GRIA1: variants seen among roughly 807,000 people sequenced by gnomAD.
The protein encoded by GRIA1 is glutamate ionotropic receptor AMPA type subunit 1, also known as glutamate receptor 1.
In GRIA1, 31 loss-of-function variants were observed where a neutral mutation model predicts 99.2. The observed-to-expected ratio is 0.31, with a 90% CI of 0.23 to 0.42. GRIA1 has a LOEUF of 0.42. GRIA1 is among the 10% of genes least tolerant of loss of function. The pLI is 1.00. For missense variants in GRIA1, 782 were observed against 1,157.5 expected (o/e 0.68, Z 4.71); for synonymous variants, 438 against 432.4 (o/e 1.01, Z -0.16).
Position 153,501,263 on chromosome 5 carries a change from G to T in GRIA1, c.220+7198G>T, listed in dbSNP as rs775787507. On this transcript the variant is annotated intron_variant, in intron 2 of 15. Coordinates refer to ENST00000285900, the MANE Select transcript of GRIA1 (RefSeq NM_000827.4). Reference sequence around the variant, plus strand: ...TAGAAAGCAGCCCTGTGCTCATGGAGCTCACCAGCTAATAAAGGAGGCTGC... The same window carrying T: ...TAGAAAGCAGCCCTGTGCTCATGGATCTCACCAGCTAATAAAGGAGGCTGC... 2.6e-4 allele frequency among the ~76,000 whole-genome samples: 40 copies of T among 152,184 alleles called. 1 individual carries two copies. The highest frequency in any genetic ancestry group is 5.9e-4 in the Non-Finnish European group (40 of 68,038).
chr5:153,778,651 C>T (rs1230152657), intron 13 of GRIA1, among the ~76,000 whole-genome samples: 1 of 147,288 alleles, frequency 6.8e-6, no homozygotes, highest in African/African-American at 2.5e-5. Flanking sequence ...TCACCCCCCA[C>T]CACACACACA....
chr5:153,658,816 T>C (rs1343226302), intron 5 of GRIA1, among the ~76,000 whole-genome samples: 6 of 152,122 alleles, frequency 3.9e-5, no homozygotes, highest in Admixed American at 2.0e-4. Context: ...TCGGAATGCA[T>C]GAGCTTCAAA....
chr5:153,761,938 T>C (rs969883351), intron 11 of GRIA1, among the ~76,000 whole-genome samples: 1 of 152,110 alleles, frequency 6.6e-6, no homozygotes, highest in Non-Finnish European at 1.5e-5. Flanking sequence ...TACCACATGA[T>C]CTCACTTACA....
At chr5:153,773,755 G>T (rs1764034928) in intron 13 of GRIA1, among the ~76,000 whole-genome samples, 1 of 152,176 alleles carries the variant, frequency 6.6e-6, no homozygotes, top group South Asian at 2.1e-4. Context: ...TGAACTGCAA[G>T]TCAAGAACAC....
rs1754193450 is a variant in GRIA1 at position 153,646,910 on chromosome 5, CCTTCT to C, written c.221-9_221-5del. The C allele has an allele frequency of 6.2e-7, 1 of 1,612,302 alleles. No homozygotes were observed. Among genetic ancestry groups the C allele is most frequent in the African/African-American group, 1.3e-5 (1 of 74,898 alleles). ...TTTTTGCAGTCTTCTATTCATTAATCCTTCTCTTCTCTTGTAGTCTGTTCCCAGTT... is the reference window on the plus strand; with the variant it reads ...TTTTTGCAGTCTTCTATTCATTAATCCTTCTCTTGTAGTCTGTTCCCAGTT... On this transcript the variant is annotated splice_polypyrimidine_tract_variant and intron_variant, in intron 2 of 15. Transcript: ENST00000285900.
intron 7 of GRIA1, among the ~76,000 whole-genome samples, chr5:153,681,308 C>G (rs1756955374): frequency 6.6e-6 from 1 of 152,204 alleles, no homozygotes; most frequent in South Asian, 2.1e-4. Flanking sequence ...GCAAAAACCT[C>G]CCACCAGGCA....
rs992113312 is a variant in GRIA1, at chr5:153,747,352, G to A, written c.1824-17082G>A. 4.6e-5 allele frequency among the ~76,000 whole-genome samples: 7 copies of A among 152,240 alleles called. No individual in the cohort carries two copies. In the South Asian group the frequency reaches 1.0e-3, roughly 23 times the overall value. On this transcript the variant is annotated intron_variant, in intron 11 of 15. Coordinates refer to ENST00000285900, the MANE Select transcript of GRIA1 (RefSeq NM_000827.4). ...AAGAACTCACTCATTACCATAGGGAGGGCACCAAGTCATTCAAAGGGATTT... is the reference window on the plus strand; with the variant it reads ...AAGAACTCACTCATTACCATAGGGAAGGCACCAAGTCATTCAAAGGGATTT...
chr5:153,713,402 G>A (rs778818213), intron 11 of GRIA1, among the ~76,000 whole-genome samples: 3 of 152,258 alleles, frequency 2.0e-5, no homozygotes, highest in Non-Finnish European at 4.4e-5. Flanking sequence ...CATGGACTGT[G>A]TGGGGGTGGC....
intron 2 of GRIA1, among the ~76,000 whole-genome samples, chr5:153,514,766 T>C (rs550343680): frequency 4.6e-5 from 7 of 152,070 alleles, no homozygotes; most frequent in African/African-American, 1.7e-4. Flanking sequence ...AACAAGAAAA[T>C]TAATAACCCT....
intron 11 of GRIA1, among the ~76,000 whole-genome samples, chr5:153,756,655 C>T (rs910151414): frequency 3.3e-5 from 5 of 152,170 alleles, no homozygotes; most frequent in Non-Finnish European, 7.3e-5. Flanking sequence ...CTTGACTCTT[C>T]TCTAGGTCCA....
At chr5:153,721,282 C>G (rs954586918) in intron 11 of GRIA1, among the ~76,000 whole-genome samples, 3 of 152,168 alleles carry the variant, frequency 2.0e-5, no homozygotes, top group Non-Finnish European at 4.4e-5. Flanking sequence ...ACACATTGAG[C>G]AAACAAAGGT....
chr5:153,624,472 C>T (rs1020012648), intron 2 of GRIA1, among the ~76,000 whole-genome samples: 9 of 152,314 alleles, frequency 5.9e-5, no homozygotes, highest in African/African-American at 1.9e-4. Flanking sequence ...CACTGATCCT[C>T]CTCCCCTGAT....
intron 5 of GRIA1, among the ~76,000 whole-genome samples, chr5:153,670,767 A>AT (rs1756105924): frequency 6.6e-6 from 1 of 152,130 alleles, no homozygotes; most frequent in Non-Finnish European, 1.5e-5. Flanking sequence ...AGTGAATTGA[A>AT]TTTTCCCATA....
At chr5:153,761,136 C>T (rs1763158236) in intron 11 of GRIA1, among the ~76,000 whole-genome samples, 1 of 152,016 alleles carries the variant, frequency 6.6e-6, no homozygotes, top group African/African-American at 2.4e-5. Context: ...TTAAACAGAA[C>T]CTCAAAATCC....
At chr5:153,492,269 T>G (rs1204803494) in intron 1 of GRIA1, 21 of 1,535,386 alleles carry the variant, frequency 1.4e-5, no homozygotes, top group Non-Finnish European at 1.5e-5. Flanking sequence ...TGGAGTAACT[T>G]GCTTTGTTTC....
At chr5:153,494,246 C>T (rs1754203723) in intron 2 of GRIA1, 181 bp downstream of exon 2, 1 of 599,416 alleles carries the variant, frequency 1.7e-6, no homozygotes, top group African/African-American at 1.9e-5. Context: ...CATTTTAGCC[C>T]CTGCAATGCT....
chr5:153,649,440 T>TTTAGTTAGTTAGTTAG (rs147092950), intron 3 of GRIA1, among the ~76,000 whole-genome samples: 67 of 146,900 alleles, frequency 4.6e-4, no homozygotes, highest in African/African-American at 1.2e-3. Flanking sequence ...TATTTATTTA[T>TTTAGTTAGTTAGTTAG]TTAGTTAGTT....
At chr5:153,540,419 T>C (rs1758968283) in intron 2 of GRIA1, among the ~76,000 whole-genome samples, 1 of 152,200 alleles carries the variant, frequency 6.6e-6, no homozygotes. Context: ...TGCCTCCTAA[T>C]GAAACACATA....
Position 153,667,102 on chromosome 5 carries a change from G to T in GRIA1, c.700-7398G>T, listed in dbSNP as rs188988937. 6.6e-5 allele frequency among the ~76,000 whole-genome samples: 10 copies of T among 152,286 alleles called. No homozygotes were observed. In the East Asian group the frequency reaches 1.9e-3, roughly 29 times the overall value. On this transcript the variant is annotated intron_variant, in intron 5 of 15. Coordinates refer to ENST00000285900, the MANE Select transcript of GRIA1 (RefSeq NM_000827.4). ...TTATCTGACAATTTGGGGAAACTTG[G>T]CATGTTCAACCTGTGCCATTCAGAG... is the stretch of plus-strand genomic sequence containing the variant.
Sources: gnomAD v4.1 joint callset for allele counts (sites outside exome capture counted in the v4.1 genomes callset) on GRCh38, gnomAD v4.1.1 for gene constraint, MANE v1.5 for transcripts, NCBI Gene and HGNC (gene_info 2026-07-23, HGNC 2026-07-21) for gene names.